The following YWHAG variants were observed in gnomAD, a reference collection of about 807,000 sequenced individuals.
YWHAG encodes 14-3-3 protein gamma.
Under a neutral mutation model 23.3 loss-of-function variants are expected in YWHAG, and 1 was observed. The ratio of observed to expected loss-of-function variants is 0.04; its 90% CI spans 0.02 to 0.20. The LOEUF (loss-of-function observed/expected upper bound fraction) is 0.20, where lower values mean the gene tolerates loss of function less well. Ranked by LOEUF, YWHAG falls within the 10% of genes least tolerant of loss-of-function variation. The pLI is 1.00. For synonymous variants in YWHAG, 160 were observed against 144.0 expected (o/e 1.11, Z -0.80); for missense variants, 151 against 338.6 (o/e 0.45, Z 4.35).
chr7:76,344,206 G>A (rs1383840233), intron 1 of YWHAG, among the ~76,000 whole-genome samples: 7 of 152,050 alleles, frequency 4.6e-5, no homozygotes, highest in Non-Finnish European at 7.4e-5. Flanking sequence ...CACCTCCCAG[G>A]TCCAAGAGAT....
chr7:76,352,201 A>C (rs2115650303), intron 1 of YWHAG, among the ~76,000 whole-genome samples: 1 of 152,326 alleles, frequency 6.6e-6, no homozygotes, highest in African/African-American at 2.4e-5. Context: ...TGGGTTTTTT[A>C]AATATGGTAG....
chr7:76,354,981 G>A (rs1467751055), intron 1 of YWHAG, among the ~76,000 whole-genome samples: 1 of 152,234 alleles, frequency 6.6e-6, no homozygotes, highest in East Asian at 1.9e-4. Context: ...TGGAAATGAA[G>A]ACAAAGGGAT....
At chr7:76,335,026 T>C (rs2961033) in intron 1 of YWHAG, among the ~76,000 whole-genome samples, 26,266 of 152,214 alleles carry the variant, frequency 0.17, 2,807 homozygotes, top group East Asian at 0.33. Flanking sequence ...CCTTCTCTAC[T>C]ACTACAAGCT....
chr7:76,330,732 A>G (rs946733251), intron 1 of YWHAG, among the ~76,000 whole-genome samples: 1 of 152,230 alleles, frequency 6.6e-6, no homozygotes, highest in Non-Finnish European at 1.5e-5. Flanking sequence ...AGGGAGTCCA[A>G]ATAAGGGGCA....
chr7:76,333,085 T>A (rs1803568936), intron 1 of YWHAG, among the ~76,000 whole-genome samples: 1 of 152,184 alleles, frequency 6.6e-6, no homozygotes, highest in Non-Finnish European at 1.5e-5. Context: ...CAATCCTACC[T>A]TAGCCTCCTG....
At chr7:76,357,694 A>C (rs1803981592) in intron 1 of YWHAG, among the ~76,000 whole-genome samples, 1 of 152,216 alleles carries the variant, frequency 6.6e-6, no homozygotes, top group African/African-American at 2.4e-5. Context: ...AAAATTTTTA[A>C]AAAGACTTTT....
intron 1 of YWHAG, among the ~76,000 whole-genome samples, chr7:76,330,641 C>T (rs1803528967): frequency 6.6e-6 from 1 of 152,200 alleles, no homozygotes; most frequent in African/African-American, 2.4e-5. Context: ...TAAGAAAATA[C>T]TGAGTCAACT....
chr7:76,353,104 C>T (rs1449459041), intron 1 of YWHAG, among the ~76,000 whole-genome samples: 1 of 152,232 alleles, frequency 6.6e-6, no homozygotes, highest in Non-Finnish European at 1.5e-5. Flanking sequence ...AGAAAAGACT[C>T]ATGCACATGG....
intron 1 of YWHAG, among the ~76,000 whole-genome samples, chr7:76,337,654 C>A (rs1380925932): frequency 6.6e-6 from 1 of 151,908 alleles, no homozygotes; most frequent in African/African-American, 2.4e-5. Context: ...CCTGCCTCAG[C>A]CTCCCGAGTA....
chr7:76,349,368 C>T (rs1484579547), intron 1 of YWHAG, among the ~76,000 whole-genome samples: 6 of 150,232 alleles, frequency 4.0e-5, no homozygotes, highest in Non-Finnish European at 7.4e-5. Flanking sequence ...CAAAAAGTAC[C>T]GTTAAGTTTT....
intron 1 of YWHAG, among the ~76,000 whole-genome samples, chr7:76,341,602 C>T (rs1243632028): frequency 6.6e-6 from 1 of 151,874 alleles, no homozygotes. Context: ...CCGATGATCT[C>T]GAAAACATTT....
chr7:76,339,677 A>T (rs1388940009), intron 1 of YWHAG, among the ~76,000 whole-genome samples: 2 of 152,168 alleles, frequency 1.3e-5, no homozygotes, highest in African/African-American at 4.8e-5. Flanking sequence ...CAGCAAGCCC[A>T]ATCCTCTTTA....
chr7:76,336,565 G>C (rs1163484031), intron 1 of YWHAG, among the ~76,000 whole-genome samples: 1 of 147,930 alleles, frequency 6.8e-6, no homozygotes, highest in Non-Finnish European at 1.5e-5. Flanking sequence ...AGTGATTCTC[G>C]TGCCTCAGCC....
chr7:76,350,476 T>G (rs1455461936), intron 1 of YWHAG, among the ~76,000 whole-genome samples: 3 of 152,224 alleles, frequency 2.0e-5, no homozygotes, highest in African/African-American at 7.2e-5. Flanking sequence ...AACTCATTTA[T>G]GGGGACATGA....
intron 1 of YWHAG, among the ~76,000 whole-genome samples, chr7:76,344,767 C>G (rs1803750647): frequency 6.6e-6 from 1 of 152,188 alleles, no homozygotes; most frequent in Non-Finnish European, 1.5e-5. Context: ...CAACTTACCC[C>G]AAACCACACT....
intron 1 of YWHAG, among the ~76,000 whole-genome samples, chr7:76,356,823 C>A (rs1803968542): frequency 6.6e-6 from 1 of 152,140 alleles, no homozygotes; most frequent in African/African-American, 2.4e-5. Flanking sequence ...TAAATGATAT[C>A]CTTATTTTTT....
At chr7:76,343,410 C>T (rs1312347116) in intron 1 of YWHAG, among the ~76,000 whole-genome samples, 2 of 152,184 alleles carry the variant, frequency 1.3e-5, no homozygotes, top group Non-Finnish European at 2.9e-5. Flanking sequence ...TGCTTCTTCA[C>T]ATTAATATAA....
intron 1 of YWHAG, among the ~76,000 whole-genome samples, chr7:76,349,514 C>T (rs1028705256): frequency 2.6e-5 from 4 of 150,998 alleles, no homozygotes; most frequent in Non-Finnish European, 4.4e-5. Flanking sequence ...CAACAGGGTA[C>T]CAAAAAATGA....
chr7:76,357,785 AC>A (rs1483244054), intron 1 of YWHAG, among the ~76,000 whole-genome samples: 1 of 152,234 alleles, frequency 6.6e-6, no homozygotes, highest in African/African-American at 2.4e-5. Flanking sequence ...TTCTGGAATG[AC>A]TTGATACTGC....
Sources: gnomAD v4.1 joint callset for allele counts (sites outside exome capture counted in the v4.1 genomes callset) on GRCh38, gnomAD v4.1.1 for gene constraint, MANE v1.5 for transcripts, NCBI Gene and HGNC (gene_info 2026-07-23, HGNC 2026-07-21) for gene names.